The following CENPP variants were observed in gnomAD, a reference collection of about 807,000 sequenced individuals.
CENPP encodes centromere protein P.
A neutral mutation model predicts 35.6 loss-of-function variants in CENPP; 24 were observed. That is an observed-to-expected ratio of 0.67 (90% CI 0.49 to 0.95). The LOEUF (loss-of-function observed/expected upper bound fraction) is 0.95, where lower values mean the gene tolerates loss of function less well. CENPP is among the 40% of genes least tolerant of loss of function. The pLI is 0.00. For synonymous variants in CENPP, 120 were observed against 125.5 expected, an observed-to-expected ratio of 0.96 and a Z score of 0.29; for missense variants, 332 against 345.3, an observed-to-expected ratio of 0.96 and a Z score of 0.31.
At chr9:92,398,237 T>C (rs1315414007) in intron 5 of CENPP, among the ~76,000 whole-genome samples, 1 of 152,230 alleles carries the variant, frequency 6.6e-6, no homozygotes, top group African/African-American at 2.4e-5. Context: ...CTTTGCTGAG[T>C]TATTAATTTG....
chr9:92,490,560 A>G (rs1334314405), intron 5 of CENPP, among the ~76,000 whole-genome samples: 3 of 152,182 alleles, frequency 2.0e-5, no homozygotes, highest in Admixed American at 6.5e-5. Context: ...GGTGGAATCA[A>G]TATCATAAAG....
In CENPP at chr9:92,512,115, C is replaced by T. The variant is rs142186054; in HGVS notation, c.565-99199C>T. On this transcript the variant is annotated intron_variant, in intron 5 of 7. Coordinates refer to ENST00000375587, the MANE Select transcript of CENPP (RefSeq NM_001012267.3). ...TTAAATGCTTCATCTGGGATGGAGG[C>T]GATGGAATTGCCTAGGACACACAGC... The T allele has an allele frequency of 1.4e-5, 22 of 1,613,208 alleles. No homozygotes were observed. Among genetic ancestry groups the T allele is most frequent in the Middle Eastern group, 3.3e-4 (2 of 6,058 alleles).
intron 5 of CENPP, among the ~76,000 whole-genome samples, chr9:92,441,448 T>C (rs1434399200): frequency 1.3e-5 from 2 of 152,050 alleles, no homozygotes; most frequent in Non-Finnish European, 2.9e-5. Context: ...GGGAAATGTA[T>C]AGGTTAAAAA....
At chr9:92,407,976 A>G (rs1843352133) in intron 5 of CENPP, among the ~76,000 whole-genome samples, 1 of 152,186 alleles carries the variant, frequency 6.6e-6, no homozygotes, top group Non-Finnish European at 1.5e-5. Context: ...AATGTGTTGA[A>G]TGGAATGGAA....
intron 5 of CENPP, among the ~76,000 whole-genome samples, chr9:92,406,189 G>T (rs576154433): frequency 6.6e-6 from 1 of 152,216 alleles, no homozygotes; most frequent in East Asian, 1.9e-4. Flanking sequence ...AGGGGATGGG[G>T]GTAGATCATT....
intron 4 of CENPP, among the ~76,000 whole-genome samples, chr9:92,368,216 A>G (rs1291785611): frequency 6.6e-6 from 1 of 152,194 alleles, no homozygotes; most frequent in Non-Finnish European, 1.5e-5. Flanking sequence ...TTGTTTTCTC[A>G]TGGATCATTG....
chr9:92,495,648 A>G (rs1038635354), intron 5 of CENPP: 16 of 923,114 alleles, frequency 1.7e-5, no homozygotes, highest in Non-Finnish European at 1.9e-5. Context: ...TTTCAAAAAG[A>G]GTATAGAATT....
At chr9:92,532,853 G>A (rs565658977) in intron 5 of CENPP, among the ~76,000 whole-genome samples, 1 of 151,918 alleles carries the variant, frequency 6.6e-6, no homozygotes, top group Non-Finnish European at 1.5e-5. Context: ...GCCATGTTTT[G>A]TCTCTTCATA....
intron 5 of CENPP, among the ~76,000 whole-genome samples, chr9:92,504,218 C>G (rs1846855473): frequency 6.6e-6 from 1 of 152,202 alleles, no homozygotes; most frequent in Non-Finnish European, 1.5e-5. Context: ...GTCCAAGAGT[C>G]TGTATTTCTT....
At chr9:92,560,093 A>G (rs1849815005) in intron 5 of CENPP, among the ~76,000 whole-genome samples, 1 of 152,312 alleles carries the variant, frequency 6.6e-6, no homozygotes, top group South Asian at 2.1e-4. Context: ...GCAGCGAGCT[A>G]TGATTGTACC....
chr9:92,571,178 T>G (rs1442605048), intron 5 of CENPP, among the ~76,000 whole-genome samples: 1 of 152,168 alleles, frequency 6.6e-6, no homozygotes, highest in Non-Finnish European at 1.5e-5. Context: ...TGTTAGGGTG[T>G]CGATTTTAGA....
Position 92,429,562 on chromosome 9 carries a change from G to A in CENPP, c.564+49703G>A, listed in dbSNP as rs1001509134. Reference sequence around the variant, plus strand: ...AGGACCTTGGGAGGCTGAGGAGGGCGGATTACCTGAGGTCAGGAGTTCCAG... The same window carrying A: ...AGGACCTTGGGAGGCTGAGGAGGGCAGATTACCTGAGGTCAGGAGTTCCAG... On this transcript the variant is annotated intron_variant, in intron 5 of 7. Coordinates refer to ENST00000375587, the MANE Select transcript of CENPP (RefSeq NM_001012267.3). 1.2e-4 allele frequency among the ~76,000 whole-genome samples: 18 copies of A among 152,172 alleles called. No individual in the cohort carries two copies. In the South Asian group the frequency reaches 2.3e-3, roughly 19 times the overall value.
chr9:92,461,646 C>T (rs905536644), intron 5 of CENPP, among the ~76,000 whole-genome samples: 18 of 151,640 alleles, frequency 1.2e-4, no homozygotes, highest in Non-Finnish European at 1.6e-4. Context: ...ATCAGCCTTT[C>T]ACCTGAGGGT....
chr9:92,579,678 T>C (rs1850370696), intron 5 of CENPP, among the ~76,000 whole-genome samples: 1 of 149,432 alleles, frequency 6.7e-6, no homozygotes, highest in Non-Finnish European at 1.5e-5. Context: ...CTGAAGTTGC[T>C]TATCAGCTTA....
chr9:92,405,196 T>C (rs1445489804), intron 5 of CENPP, among the ~76,000 whole-genome samples: 1 of 152,138 alleles, frequency 6.6e-6, no homozygotes, highest in African/African-American at 2.4e-5. Context: ...GTTTGCTGAA[T>C]GAAGGAAACT....
chr9:92,617,538 C>A lies in CENPP; in HGVS notation c.*4389C>A, dbSNP rs1166953378. 2 of 152,574 alleles carry A rather than the reference C, an allele frequency of 1.3e-5. No individual in the cohort carries two copies. The highest frequency in any genetic ancestry group is 2.9e-5 in the Non-Finnish European group (2 of 68,328). 9.5% of individuals were successfully genotyped at this position (152,574 alleles called of 1,614,324 possible). A position where few individuals can be genotyped will look rare whatever the true frequency, so the allele number is the denominator to read the frequency against. On this transcript the variant is annotated 3_prime_UTR_variant, in exon 8 of 8. Transcript: ENST00000375587. ...CGGAGGCCAAGACTGGGCAAGAGGC[C>A]CCAGGGACACACCTGTCCCTTGTGC...
intron 5 of CENPP, among the ~76,000 whole-genome samples, chr9:92,416,023 T>TA (rs1843586625): frequency 7.1e-6 from 1 of 140,084 alleles, no homozygotes; most frequent in African/African-American, 2.5e-5. Context: ...AGAATATATA[T>TA]TTTTTATATA....
chr9:92,548,110 G>A (rs537590798), intron 5 of CENPP, among the ~76,000 whole-genome samples: 27 of 152,292 alleles, frequency 1.8e-4, no homozygotes, highest in African/African-American at 5.5e-4. Flanking sequence ...AATAAATAGT[G>A]GTTTGGCATC....
chr9:92,516,406 A>G (rs1485352182), intron 5 of CENPP, among the ~76,000 whole-genome samples: 1 of 152,134 alleles, frequency 6.6e-6, no homozygotes, highest in Non-Finnish European at 1.5e-5. Context: ...AAATTTACTT[A>G]ATCATCTGCC....
Sources: allele counts gnomAD v4.1 joint callset (sites outside exome capture counted in the v4.1 genomes callset), GRCh38; gene constraint gnomAD v4.1.1; transcripts MANE v1.5; gene names NCBI Gene and HGNC (gene_info 2026-07-23, HGNC 2026-07-21).